The following DYNC2H1 variants were observed in gnomAD, a reference collection of about 807,000 sequenced individuals.
The protein encoded by DYNC2H1 is dynein cytoplasmic 2 heavy chain 1.
DYNC2H1 carries 410 observed loss-of-function variants against 570.0 expected under a neutral mutation model. The observed-to-expected ratio is 0.72, with a 90% confidence interval of 0.66 to 0.78. The LOEUF is 0.78. DYNC2H1 is among the 30% of genes least tolerant of loss of function. The pLI is 0.00. For missense variants in DYNC2H1, 4,865 were observed against 5,046.4 expected (o/e 0.96, Z 1.09); for synonymous variants, 1,688 against 1,677.6 (o/e 1.01, Z -0.15).
intron 12 of DYNC2H1, among the ~76,000 whole-genome samples, chr11:103,127,733 A>G (rs796291873): frequency 3.3e-5 from 5 of 152,150 alleles, no homozygotes; most frequent in African/African-American, 9.7e-5. Flanking sequence ...CCTTTGTCCA[A>G]CACTGTTCCT....
At chr11:103,246,825 T>C (rs1172071080) in intron 65 of DYNC2H1, among the ~76,000 whole-genome samples, 1 of 152,018 alleles carries the variant, frequency 6.6e-6, no homozygotes, top group Non-Finnish European at 1.5e-5. Context: ...CATCCCAGTG[T>C]CCTTAATCTA....
intron 22 of DYNC2H1, 131 bp from the exon 23 acceptor site, chr11:103,154,320 G>T: frequency 1.5e-6 from 1 of 679,424 alleles, no homozygotes; most frequent in Non-Finnish European, 2.2e-6. Context: ...GTTTCTTATT[G>T]TATATCTATT....
Position 103,155,313 on chromosome 11 carries a change from T to A in DYNC2H1, c.3574-18T>A. The stretch of plus-strand genomic sequence containing the variant: ...TATGTGTATACATATGACTTTTTCT[T>A]TTTTTTTTTTGTAACAGATCGTAAT... On this transcript the variant is annotated intron_variant, in intron 24 of 88. Coordinates refer to ENST00000375735, the MANE Select transcript of DYNC2H1 (RefSeq NM_001377.3). 1.8e-6 allele frequency: 1 copy of A among 540,674 alleles called. No individual in the cohort carries two copies. The highest frequency in any genetic ancestry group is 7.0e-5 in the Admixed American group (1 of 14,332). 33.5% of individuals were successfully genotyped at this position (540,674 alleles called of 1,614,324 possible). A position where few individuals can be genotyped will look rare whatever the true frequency, so the allele number is the denominator to read the frequency against.
intron 18 of DYNC2H1, 65 bp from the exon 19 acceptor site, chr11:103,147,707 A>T (rs1010309194): frequency 3.3e-6 from 3 of 917,890 alleles, no homozygotes; most frequent in African/African-American, 1.7e-5. Flanking sequence ...TTATAATATT[A>T]TATGAGACTC....
rs1335942889 is a variant in DYNC2H1 at position 103,241,211 on chromosome 11, AT to A, written c.9820-2478del. Among the ~76,000 whole-genome samples, 3 of 152,118 alleles carry A rather than the reference AT, an allele frequency of 2.0e-5. No homozygotes were observed. Among genetic ancestry groups the A allele is most frequent in the Admixed American group, 2.0e-4 (3 of 15,250 alleles). ...AAAGTTATTGAGGTTAAGGGAATGT[AT>A]TTTCTTAATTTCTGTACTCCTTGTA... is the stretch of plus-strand genomic sequence containing the variant. On this transcript the variant is annotated intron_variant, in intron 63 of 88. Transcript: ENST00000375735. This position sits in a 1 kb window ranked among gnomAD's most constrained non-coding sequence, Gnocchi z 5.1.
chr11:103,192,118 A>C lies in DYNC2H1; in HGVS notation c.7562A>C (p.Asp2521Ala), dbSNP rs183097177. The C allele has an allele frequency of 1.3e-6, 2 of 1,531,966 alleles. No homozygotes were observed. Among genetic ancestry groups the C allele is most frequent in the East Asian group, 4.8e-5 (2 of 41,482 alleles). 94.9% of individuals were successfully genotyped at this position (1,531,966 alleles called of 1,614,324 possible). ...CTAGGATCCTCAAACCATCCACTAG[A>C]TTATGTGTTAGAAATTGTAGCATAT... ...LEGGSSNHPL[D>A]YVLEIVAYEA... Residue 2521 changes from aspartate (D) to alanine (A), a missense_variant, in exon 47 of 89, where the codon GAT (aspartate) becomes GCT (alanine). Physicochemically the swap from Asp to Ala is moderately radical, Grantham distance 126 (BLOSUM62 -2). Around this residue, in one of 5 missense-constraint regions of DYNC2H1, gnomAD observed 2,401 missense variants for 2,454.6 expected, o/e 0.98. Coordinates refer to ENST00000375735, the MANE Select transcript of DYNC2H1 (RefSeq NM_001377.3).
At chr11:103,425,794 A>G (rs1943649802) in intron 84 of DYNC2H1, among the ~76,000 whole-genome samples, 1 of 151,816 alleles carries the variant, frequency 6.6e-6, no homozygotes, top group Non-Finnish European at 1.5e-5. Context: ...AAATAATTAT[A>G]CATAACAAAA....
intron 84 of DYNC2H1, among the ~76,000 whole-genome samples, chr11:103,426,705 T>C (rs1271014497): frequency 1.3e-5 from 2 of 152,212 alleles, no homozygotes; most frequent in African/African-American, 4.8e-5. Flanking sequence ...AGTTAATAGC[T>C]GGCTAATTTA....
rs1862041120 is a variant in DYNC2H1, at chr11:103,185,815, T to C, written c.6634-427T>C. On this transcript the variant is annotated intron_variant, in intron 41 of 88. Transcript: ENST00000375735. The surrounding 1 kb of genome is among the most constrained non-coding windows in gnomAD (Gnocchi z 4.5). The stretch of plus-strand genomic sequence containing the variant: ...TATTAAGGGCTAACTCTGCTTTATA[T>C]ATGCATAGATAACAGTTTTCAGTAT... Among the ~76,000 whole-genome samples, 1 of 151,988 alleles carries C rather than the reference T, an allele frequency of 6.6e-6. No homozygotes were observed. The highest frequency in any genetic ancestry group is 2.4e-5 in the African/African-American group (1 of 41,410).
intron 17 of DYNC2H1, among the ~76,000 whole-genome samples, chr11:103,140,908 T>A (rs1859882096): frequency 6.6e-6 from 1 of 152,182 alleles, no homozygotes; most frequent in Non-Finnish European, 1.5e-5. Flanking sequence ...TCATTTCTTT[T>A]TATTCTTTTT....
At chr11:103,469,550 C>T (rs1441569563) in intron 88 of DYNC2H1, among the ~76,000 whole-genome samples, 1 of 152,112 alleles carries the variant, frequency 6.6e-6, no homozygotes, top group Non-Finnish European at 1.5e-5. Context: ...AAATAAAAAT[C>T]AAATGCACCA....
chr11:103,193,704 C>T (rs887937410), intron 47 of DYNC2H1, among the ~76,000 whole-genome samples: 1 of 151,812 alleles, frequency 6.6e-6, no homozygotes, highest in African/African-American at 2.4e-5. Flanking sequence ...CCACCACGCC[C>T]GACTAATTTT....
chr11:103,160,398 T>G (rs1861042789), intron 28 of DYNC2H1, among the ~76,000 whole-genome samples: 1 of 152,118 alleles, frequency 6.6e-6, no homozygotes, highest in Non-Finnish European at 1.5e-5. Flanking sequence ...CAAGTCTTTT[T>G]GTAGACATAC....
At chr11:103,260,317 TTGTG>T (rs1002647232) in intron 70 of DYNC2H1, among the ~76,000 whole-genome samples, 3 of 152,230 alleles carry the variant, frequency 2.0e-5, no homozygotes, top group African/African-American at 7.2e-5. Flanking sequence ...ACATAATTCT[TTGTG>T]TGTGGGATGT....
intron 88 of DYNC2H1, among the ~76,000 whole-genome samples, chr11:103,471,809 T>TGC (rs1377990459): frequency 6.6e-6 from 1 of 151,814 alleles, no homozygotes; most frequent in Non-Finnish European, 1.5e-5. Flanking sequence ...GCAAAGAGAG[T>TGC]GCTACAGTTC....
Position 103,113,611 on chromosome 11 carries a change from T to G in DYNC2H1, c.270T>G (p.Asn90Lys). The change falls in exon 2 of 89, where the codon AAT becomes AAG. Residue 90 changes from asparagine (N) to lysine (K), a missense_variant. Asn to Lys is a moderately conservative substitution (Grantham distance 94, BLOSUM62 0). Around this residue, in one of 5 missense-constraint regions of DYNC2H1, gnomAD observed 1,936 missense variants for 1,962.1 expected, o/e 0.99. Transcript: ENST00000375735. Reference protein sequence around the residue: ...KLRPEVITDENLHDNILVSSM... With the variant: ...KLRPEVITDEKLHDNILVSSM... ...GACCTGAAGTAATTACTGATGAGAA[T>G]CTACATGATAACATTCTTGTTTCAT... 2 of 1,576,150 alleles carry G rather than the reference T, an allele frequency of 1.3e-6. No homozygotes were observed. The highest frequency in any genetic ancestry group is 2.5e-5 in the South Asian group (2 of 81,116).
chr11:103,376,176 G>A (rs761408831), intron 83 of DYNC2H1, among the ~76,000 whole-genome samples: 2 of 152,164 alleles, frequency 1.3e-5, no homozygotes, highest in Non-Finnish European at 2.9e-5. Flanking sequence ...GGCCATGATT[G>A]TAAATTTCCT....
rs1214673234 is a variant in DYNC2H1, at chr11:103,305,747, G to A, written c.11382+1027G>A. Among the ~76,000 whole-genome samples, 1 of 152,120 alleles carries A rather than the reference G, an allele frequency of 6.6e-6. No homozygotes were observed. The highest frequency in any genetic ancestry group is 1.5e-5 in the Non-Finnish European group (1 of 68,008). On this transcript the variant is annotated intron_variant, in intron 77 of 88. Transcript: ENST00000375735. This position sits in a 1 kb window ranked among gnomAD's most constrained non-coding sequence, Gnocchi z 4.3. ...ATTTTTGATGAGTAAGTTAATGAGT[G>A]AGTGAATGAGTTGATGGACCATGGT...
Sources: gnomAD v4.1 joint callset for allele counts (sites outside exome capture counted in the v4.1 genomes callset) on GRCh38, gnomAD v4.1.1 for gene constraint, gnomAD v4.1.1 regional missense constraint, Gnocchi (gnomAD v3.1) non-coding constraint, MANE v1.5 for transcripts, NCBI Gene and HGNC (gene_info 2026-07-23, HGNC 2026-07-21) for gene names.